The following DOP1B variants were observed in gnomAD, a reference collection of about 807,000 sequenced individuals.
DOP1B encodes DOP1 leucine zipper like protein B.
A neutral mutation model predicts 233.5 loss-of-function variants in DOP1B; 174 were observed. The ratio of observed to expected loss-of-function variants is 0.75; its 90% CI spans 0.66 to 0.85. DOP1B has a LOEUF of 0.85. DOP1B is among the 40% of genes least tolerant of loss of function. The probability of loss-of-function intolerance (pLI) is 0.00; values close to 1 mark genes in which losing one functional copy is unlikely to be tolerated. For missense variants in DOP1B, 2,652 were observed against 2,846.6 expected, an observed-to-expected ratio of 0.93 and a Z score of 1.56; for synonymous variants, 1,190 against 1,185.6, an observed-to-expected ratio of 1.00 and a Z score of -0.08.
intron 31 of DOP1B, 74 bp downstream of exon 31, chr21:36,280,420 A>G (rs2067402391): frequency 1.8e-6 from 2 of 1,097,164 alleles, no homozygotes; most frequent in African/African-American, 3.1e-5. Context: ...TTCATCATGT[A>G]TTTCCGAACC....
chr21:36,227,625 T>C, intron 12 of DOP1B, 61 bp from the exon 13 acceptor site: 1 of 1,350,698 alleles, frequency 7.4e-7, no homozygotes, highest in Non-Finnish European at 9.9e-7. Context: ...CATTTTGAGA[T>C]GCATTGTTTT....
chr21:36,257,485 G>C (rs1390877304), intron 23 of DOP1B, among the ~76,000 whole-genome samples: 1 of 152,212 alleles, frequency 6.6e-6, no homozygotes, highest in Non-Finnish European at 1.5e-5. Context: ...AGGGTCTTAT[G>C]AACCGTAGTC....
chr21:36,293,809 C>G lies in DOP1B; in HGVS notation c.*238C>G, dbSNP rs2067585582. 2.4e-6 allele frequency: 1 copy of G among 419,256 alleles called. No individual in the cohort carries two copies. Among genetic ancestry groups the G allele is most frequent in the South Asian group, 2.5e-5 (1 of 39,714 alleles). 26.0% of individuals were successfully genotyped at this position (419,256 alleles called of 1,614,324 possible). A position where few individuals can be genotyped will look rare whatever the true frequency, so the allele number is the denominator to read the frequency against. Reference sequence around the variant, plus strand: ...ACCAGCCTGACCAACATGGTGAGACCCTGTCTCTACTAAAAATACAAAAAT... The same window carrying G: ...ACCAGCCTGACCAACATGGTGAGACGCTGTCTCTACTAAAAATACAAAAAT... On this transcript the variant is annotated 3_prime_UTR_variant, in exon 37 of 37. Coordinates refer to ENST00000691173, the MANE Select transcript of DOP1B (RefSeq NM_001320714.2).
rs551332503 is a variant in DOP1B at position 36,239,652 on chromosome 21, G to A, written c.2877-113G>A. The stretch of plus-strand genomic sequence containing the variant: ...ACTTGGGTCTGGAAGTCCAGCTTGG[G>A]TGGAGGTCCTAGGGTACCTGTGTTG... On this transcript the variant is annotated intron_variant, in intron 17 of 36. Transcript: ENST00000691173. The A allele has an allele frequency of 2.4e-5, 30 of 1,239,160 alleles. No homozygotes were observed. In the African/African-American group the frequency reaches 3.7e-4, roughly 15 times the overall value. 76.8% of individuals were successfully genotyped at this position (1,239,160 alleles called of 1,614,324 possible).
rs537807857 is a variant in DOP1B, at chr21:36,270,484, C to G, written c.5632+327C>G. ...AGGAGAATCGCTTCAACCTGGGAGG[C>G]GGAGGTTGCAGTGAGCCGAGATCAC... On this transcript the variant is annotated intron_variant, in intron 27 of 36. Transcript: ENST00000691173. 5.8e-5 allele frequency among the ~76,000 whole-genome samples: 7 copies of G among 120,142 alleles called. No individual in the cohort carries two copies. In the East Asian group the frequency reaches 2.0e-3, roughly 34 times the overall value. 78.8% of individuals were successfully genotyped at this position (120,142 alleles called of 152,430 possible).
intron 2 of DOP1B, among the ~76,000 whole-genome samples, chr21:36,175,206 A>G (rs2066009951): frequency 6.6e-6 from 1 of 151,408 alleles, no homozygotes; most frequent in South Asian, 2.1e-4. Context: ...CACCTCCCAG[A>G]TTCAAGCGAT....
chr21:36,217,629 T>C (rs981474495), intron 9 of DOP1B, among the ~76,000 whole-genome samples: 1 of 152,206 alleles, frequency 6.6e-6, no homozygotes, highest in Non-Finnish European at 1.5e-5. Flanking sequence ...AAAGTCCAAG[T>C]ATGAAGCTTT....
In DOP1B at chr21:36,223,342, A is replaced by C. The variant is rs748248615; in HGVS notation, c.1362A>C (p.Glu454Asp). The C allele has an allele frequency of 1.2e-6, 2 of 1,609,376 alleles. No individual in the cohort carries two copies. Among genetic ancestry groups the C allele is most frequent in the Admixed American group, 3.4e-5 (2 of 58,582 alleles). ...LWDYMTRCFE[E>D]CFRPVKQRYS... Reference sequence around the variant, plus strand: ...ATTATATGACAAGGTGTTTTGAGGAATGCTTTAGGTAAGTATGCAGTTCAA... The same window carrying C: ...ATTATATGACAAGGTGTTTTGAGGACTGCTTTAGGTAAGTATGCAGTTCAA... The change falls in exon 11 of 37, where the codon GAA becomes GAC. Residue 454 changes from glutamate (E) to aspartate (D), a missense_variant. Around this residue, in one of 3 missense-constraint regions of DOP1B, gnomAD observed 2,617 missense variants for 2,794.3 expected, o/e 0.94. Coordinates refer to ENST00000691173, the MANE Select transcript of DOP1B (RefSeq NM_001320714.2).
At chr21:36,266,666 A>C (rs1415902032) in intron 26 of DOP1B, among the ~76,000 whole-genome samples, 1 of 152,214 alleles carries the variant, frequency 6.6e-6, no homozygotes, top group African/African-American at 2.4e-5. Context: ...TTACATAGGC[A>C]TGATGGATTA....
intron 2 of DOP1B, among the ~76,000 whole-genome samples, chr21:36,165,236 A>T (rs565478244): frequency 7.9e-5 from 12 of 152,318 alleles, no homozygotes; most frequent in African/African-American, 2.9e-4. Flanking sequence ...GATAAAATTT[A>T]AAATGGTCAA....
intron 32 of DOP1B, among the ~76,000 whole-genome samples, chr21:36,282,713 C>A (rs1205034564): frequency 6.6e-6 from 1 of 151,564 alleles, no homozygotes; most frequent in African/African-American, 2.4e-5. Flanking sequence ...CGGTGGCTCA[C>A]GCCTGTAATC....
chr21:36,267,600 C>CCAGGAG (rs71196995), intron 26 of DOP1B, among the ~76,000 whole-genome samples: 32,326 of 147,030 alleles, frequency 0.22, 4,554 homozygotes, highest in African/African-American at 0.4. Flanking sequence ...TGGCTTGAGC[C>CCAGGAG]CAGGAGGTCG....
intron 26 of DOP1B, among the ~76,000 whole-genome samples, chr21:36,264,780 A>G (rs1275901731): frequency 6.6e-6 from 1 of 152,042 alleles, no homozygotes; most frequent in Non-Finnish European, 1.5e-5. Flanking sequence ...GCCTCCATAC[A>G]TGGATTTCTT....
intron 31 of DOP1B, 76 bp from the exon 32 acceptor site, chr21:36,281,407 A>T: frequency 1.4e-6 from 2 of 1,446,252 alleles, no homozygotes; most frequent in Non-Finnish European, 1.9e-6. Flanking sequence ...ATAGAATTAC[A>T]CTAGTATGAA....
At chr21:36,267,940 G>T (rs758958835) in intron 26 of DOP1B, among the ~76,000 whole-genome samples, 7 of 152,052 alleles carry the variant, frequency 4.6e-5, no homozygotes, top group Non-Finnish European at 4.4e-5. Flanking sequence ...TAATAATAAG[G>T]GTCTAACAAA....
chr21:36,275,889 G>A (rs2067344393), intron 27 of DOP1B, among the ~76,000 whole-genome samples: 1 of 152,122 alleles, frequency 6.6e-6, no homozygotes, highest in South Asian at 2.1e-4. Context: ...CTGGGTGTGG[G>A]TGGGAGGTGA....
intron 2 of DOP1B, chr21:36,175,810 G>C (rs28460369): frequency 6.6e-6 from 1 of 152,258 alleles, no homozygotes; most frequent in African/African-American, 2.4e-5. Flanking sequence ...AGAAAGAAAA[G>C]AAAAAGAAAA....
intron 18 of DOP1B, among the ~76,000 whole-genome samples, chr21:36,242,543 G>A (rs2066904068): frequency 6.6e-6 from 1 of 151,804 alleles, no homozygotes; most frequent in Admixed American, 6.6e-5. Context: ...GAACTCCTGA[G>A]CTCAAGTGTT....
chr21:36,293,269 T>G (rs147192370), intron 36 of DOP1B, 51 bp from the exon 37 acceptor site: 3 of 1,583,026 alleles, frequency 1.9e-6, no homozygotes, highest in Non-Finnish European at 2.6e-6. Context: ...CCCAGCCATC[T>G]CGAGCCCTCA....
Sources: allele counts gnomAD v4.1 joint callset (sites outside exome capture counted in the v4.1 genomes callset), GRCh38; gene constraint gnomAD v4.1.1; regional missense constraint gnomAD v4.1.1; transcripts MANE v1.5; gene names NCBI Gene and HGNC (gene_info 2026-07-23, HGNC 2026-07-21).